CUL1: variants seen among roughly 807,000 people sequenced by gnomAD.
CUL1 encodes cullin-1.
In CUL1, 24 loss-of-function variants were observed where a neutral mutation model predicts 118.0. The observed-to-expected ratio is 0.20, with a 90% CI of 0.15 to 0.29. CUL1 has a LOEUF of 0.29. Ranked by LOEUF, CUL1 falls within the 10% of genes least tolerant of loss-of-function variation. The pLI, the probability that CUL1 is intolerant of heterozygous loss-of-function variation, is 1.00. For missense variants in CUL1, 361 were observed against 933.8 expected (o/e 0.39, Z 7.99); for synonymous variants, 332 against 340.4 (o/e 0.98, Z 0.27).
At chr7:148,783,348 T>C (rs1800709164) in intron 9 of CUL1, 2 of 985,434 alleles carry the variant, frequency 2.0e-6, no homozygotes, top group Non-Finnish European at 2.4e-6. Flanking sequence ...ACTCCCGCCC[T>C]GAGCCCCGCT....
intron 1 of CUL1, among the ~76,000 whole-genome samples, chr7:148,723,045 T>A (rs1798445184): frequency 6.6e-6 from 1 of 152,224 alleles, no homozygotes; most frequent in African/African-American, 2.4e-5. Flanking sequence ...GAAACAGTGT[T>A]GGCTTGTTTA....
At chr7:148,742,003 T>C (rs1480068893) in intron 2 of CUL1, among the ~76,000 whole-genome samples, 1 of 152,242 alleles carries the variant, frequency 6.6e-6, no homozygotes, top group Non-Finnish European at 1.5e-5. Context: ...ATTACTGTCA[T>C]TTTGTAGTAA....
At chr7:148,700,243 T>A (rs1797678928) in intron 1 of CUL1, among the ~76,000 whole-genome samples, 1 of 152,202 alleles carries the variant, frequency 6.6e-6, no homozygotes, top group East Asian at 1.9e-4. Flanking sequence ...GAGTAAACGA[T>A]CACACTTTTT....
intron 2 of CUL1, among the ~76,000 whole-genome samples, chr7:148,748,435 C>T (rs982296209): frequency 3.3e-5 from 5 of 152,100 alleles, no homozygotes; most frequent in East Asian, 1.9e-4. Flanking sequence ...TAGGAATAAA[C>T]GTGGTTACTT....
intron 1 of CUL1, among the ~76,000 whole-genome samples, chr7:148,719,840 C>G (rs141969408): frequency 1.8e-3 from 272 of 152,266 alleles, no homozygotes; most frequent in African/African-American, 6.2e-3. Context: ...TGCATGCTTC[C>G]TTTTGAAGCC....
intron 2 of CUL1, among the ~76,000 whole-genome samples, chr7:148,751,796 C>T (rs2129460281): frequency 6.6e-6 from 1 of 152,174 alleles, no homozygotes; most frequent in Admixed American, 6.5e-5. Context: ...AGCAAATGTA[C>T]ATATTACAGT....
chr7:148,725,870 G>A (rs192811683), intron 1 of CUL1, among the ~76,000 whole-genome samples: 5 of 152,296 alleles, frequency 3.3e-5, no homozygotes, highest in Admixed American at 3.3e-4. Flanking sequence ...GCCCACTTAA[G>A]TATGAATTTT....
chr7:148,705,648 G>A (rs944104057), intron 1 of CUL1, among the ~76,000 whole-genome samples: 4 of 152,152 alleles, frequency 2.6e-5, no homozygotes, highest in African/African-American at 9.7e-5. Context: ...TCTCAAGGCA[G>A]GAAGGAGGCT....
chr7:148,751,853 G>A (rs774941201), intron 2 of CUL1, among the ~76,000 whole-genome samples: 27 of 152,222 alleles, frequency 1.8e-4, no homozygotes, highest in Non-Finnish European at 3.4e-4. Context: ...GGTGGCTCAC[G>A]CCTGTAATCC....
intron 1 of CUL1, among the ~76,000 whole-genome samples, chr7:148,715,158 T>C (rs1798174121): frequency 6.6e-6 from 1 of 152,250 alleles, no homozygotes; most frequent in South Asian, 2.1e-4. Context: ...CTACCCATCA[T>C]TGTATCATGG....
At chr7:148,775,745 G>A (rs1209539676) in intron 9 of CUL1, among the ~76,000 whole-genome samples, 2 of 150,706 alleles carry the variant, frequency 1.3e-5, no homozygotes, top group East Asian at 3.9e-4. Context: ...TATTTTGTCT[G>A]TTTCCCTCCC....
At chr7:148,726,792 T>C (rs1034826715) in intron 1 of CUL1, among the ~76,000 whole-genome samples, 1 of 147,624 alleles carries the variant, frequency 6.8e-6, no homozygotes, top group African/African-American at 2.5e-5. Flanking sequence ...GGTACACAAA[T>C]GCATAGCACA....
At chr7:148,741,247 T>C (rs1799130221) in intron 2 of CUL1, among the ~76,000 whole-genome samples, 1 of 152,228 alleles carries the variant, frequency 6.6e-6, no homozygotes, top group African/African-American at 2.4e-5. Flanking sequence ...ACATATGTTT[T>C]CATTTTTCTT....
At chr7:148,737,576 ATATT>A (rs200912415) in intron 2 of CUL1, among the ~76,000 whole-genome samples, 31,405 of 126,802 alleles carry the variant, frequency 0.25, 3,576 homozygotes, top group South Asian at 0.32. Context: ...ATATATTTTT[ATATT>A]TATTTATTTA....
Position 148,724,546 on chromosome 7 carries a change from T to G in CUL1, c.-161-5416T>G, listed in dbSNP as rs377571396. 3.9e-5 allele frequency among the ~76,000 whole-genome samples: 6 copies of G among 152,308 alleles called. No homozygotes were observed. The South Asian group carries it at 1.2e-3, about 32-fold the overall frequency. ...CAGCTGGCTCTGCCATTGCTTCTTG[T>G]CCTTGACTAATTGCATCTTCTGCCT... On this transcript the variant is annotated intron_variant, in intron 1 of 21. Transcript: ENST00000325222.
chr7:148,796,771 C>G (rs1045093911), intron 17 of CUL1, among the ~76,000 whole-genome samples: 8 of 152,166 alleles, frequency 5.3e-5, no homozygotes, highest in African/African-American at 1.4e-4. Context: ...TTTCTGCCCA[C>G]AGTAGATGCT....
intron 4 of CUL1, among the ~76,000 whole-genome samples, chr7:148,758,150 A>G (rs1799718421): frequency 6.6e-6 from 1 of 152,188 alleles, no homozygotes; most frequent in Non-Finnish European, 1.5e-5. Context: ...TCTCCAGACA[A>G]TTCTGATGCA....
chr7:148,765,667 A>T (rs1799981203), intron 7 of CUL1, among the ~76,000 whole-genome samples: 1 of 152,206 alleles, frequency 6.6e-6, no homozygotes, highest in South Asian at 2.1e-4. Flanking sequence ...ATCATTTTGG[A>T]GAGTATTGGC....
chr7:148,754,871 T>G (rs1799606478), intron 3 of CUL1, among the ~76,000 whole-genome samples: 1 of 152,030 alleles, frequency 6.6e-6, no homozygotes, highest in Non-Finnish European at 1.5e-5. Flanking sequence ...CTTAGCCTTC[T>G]GAGTAGCTAG....
Sources: gnomAD v4.1 joint callset for allele counts (sites outside exome capture counted in the v4.1 genomes callset) on GRCh38, gnomAD v4.1.1 for gene constraint, MANE v1.5 for transcripts, NCBI Gene and HGNC (gene_info 2026-07-23, HGNC 2026-07-21) for gene names.